Variants in ADCY9 observed in about 807,000 individuals in gnomAD.
ADCY9 encodes adenylate cyclase 9.
A neutral mutation model predicts 101.5 loss-of-function variants in ADCY9; 50 were observed. The ratio of observed to expected loss-of-function variants is 0.49; its 90% CI spans 0.39 to 0.62. The LOEUF (loss-of-function observed/expected upper bound fraction) is 0.62, where lower values mean the gene tolerates loss of function less well. ADCY9 is among the 20% of genes least tolerant of loss of function. The pLI is 0.00. For missense variants in ADCY9, 1,662 were observed against 1,800.4 expected, an observed-to-expected ratio of 0.92 and a Z score of 1.39; for synonymous variants, 905 against 769.3, an observed-to-expected ratio of 1.18 and a Z score of -2.92.
At chr16:4,042,413 C>T (rs2056633779) in intron 2 of ADCY9, among the ~76,000 whole-genome samples, 1 of 152,078 alleles carries the variant, frequency 6.6e-6, no homozygotes, top group Non-Finnish European at 1.5e-5. Flanking sequence ...TCTTCCCCGC[C>T]CCATTGTTAT....
chr16:3,988,910 G>C (rs2056220774), intron 6 of ADCY9, 84 bp downstream of exon 6: 6 of 1,106,822 alleles, frequency 5.4e-6, no homozygotes, highest in Non-Finnish European at 8.3e-6. Flanking sequence ...CCATCCCTTG[G>C]TAAAGCACAA....
chr16:4,073,138 AGGCTGG>A (rs2056845547), intron 2 of ADCY9, among the ~76,000 whole-genome samples: 1 of 152,102 alleles, frequency 6.6e-6, no homozygotes, highest in African/African-American at 2.4e-5. Context: ...TCTATTGCCC[AGGCTGG>A]AATGCAGTGA....
chr16:4,115,543 G>GC lies in ADCY9; in HGVS notation c.-43-59dup. 1 of 1,376,854 alleles carries GC rather than the reference G, an allele frequency of 7.3e-7. No homozygotes were observed. Among genetic ancestry groups the GC allele is most frequent in the African/African-American group, 1.5e-5 (1 of 68,580 alleles). 85.3% of individuals were successfully genotyped at this position (1,376,854 alleles called of 1,614,324 possible). A position where few individuals can be genotyped will look rare whatever the true frequency, so the allele number is the denominator to read the frequency against. On this transcript the variant is annotated intron_variant, in intron 1 of 10. Transcript: ENST00000294016. The surrounding 1 kb of genome is among the most constrained non-coding windows in gnomAD (Gnocchi z 6.2). ...CCCACCTAGGCATGCACGCCTAGAG[G>GC]CCCGGGACCTGCTCCTGTCCTAAGG...
downstream of ADCY9, among the ~76,000 whole-genome samples, chr16:3,959,832 C>T (rs1351402581): frequency 6.6e-6 from 1 of 152,082 alleles, no homozygotes; most frequent in African/African-American, 2.4e-5. Flanking sequence ...TCGAGACCAG[C>T]CTGGCCAACA....
At chr16:4,024,848 G>A (rs972960637) in intron 2 of ADCY9, among the ~76,000 whole-genome samples, 1 of 152,130 alleles carries the variant, frequency 6.6e-6, no homozygotes, top group African/African-American at 2.4e-5. Flanking sequence ...GCTCAGTTCT[G>A]GACCTCCCAA....
At chr16:3,990,465 CAAAA>C (rs58708699) in intron 5 of ADCY9, among the ~76,000 whole-genome samples, 2 of 144,586 alleles carry the variant, frequency 1.4e-5, no homozygotes, top group Non-Finnish European at 3.0e-5. Context: ...GACTATGTCT[CAAAA>C]AAAAAAAAAA....
chr16:4,064,151 C>T (rs1372818716), intron 2 of ADCY9, among the ~76,000 whole-genome samples: 6 of 151,942 alleles, frequency 3.9e-5, no homozygotes, highest in Non-Finnish European at 7.4e-5. Context: ...AATGAACAAT[C>T]CAAAAACAAA....
chr16:3,999,739 C>CTCCT (rs554585513), intron 3 of ADCY9, among the ~76,000 whole-genome samples: 142 of 152,344 alleles, frequency 9.3e-4, no homozygotes, highest in African/African-American at 3.0e-3. Context: ...ATTATCTTTG[C>CTCCT]TCCTTCCCCC....
chr16:3,992,732 CG>C lies in ADCY9; in HGVS notation c.1990-370del, dbSNP rs1381153092. ...GGTTCTGGGAGCAGGGTGCATGGGT[CG>C]GGGGTCCAGGAGAAGTATGACGAGG... On this transcript the variant is annotated intron_variant, in intron 4 of 10. Transcript: ENST00000294016. The surrounding 1 kb of genome is among the most constrained non-coding windows in gnomAD (Gnocchi z 4.2). Among the ~76,000 whole-genome samples, 6 of 151,950 alleles carry C rather than the reference CG, an allele frequency of 3.9e-5. No individual in the cohort carries two copies. The highest frequency in any genetic ancestry group is 2.1e-4 in the South Asian group (1 of 4,802).
chr16:3,985,463 G>C (rs1294069151), intron 6 of ADCY9, among the ~76,000 whole-genome samples: 1 of 152,144 alleles, frequency 6.6e-6, no homozygotes, highest in African/African-American at 2.4e-5. Context: ...GGGCGACACT[G>C]CCCATGCCCA....
chr16:3,969,875 G>A (rs192822718), intron 10 of ADCY9, among the ~76,000 whole-genome samples: 33 of 150,930 alleles, frequency 2.2e-4, no homozygotes, highest in African/African-American at 6.6e-4. Flanking sequence ...TGCCTCCCCA[G>A]TGTGCTGGAA....
At position 4,003,833 on chromosome 16, in the gene ADCY9, C is replaced by T. The variant is rs376677816; in HGVS notation, c.1884+3535G>A. ...CTCCCCTCCGCGACGCTGACAGTGG[C>T]GTCCTCATGTCTAATGCTTACTCCT... is the stretch of plus-strand genomic sequence containing the variant. On this transcript the variant is annotated intron_variant, in intron 3 of 10. Transcript: ENST00000294016. Among the ~76,000 whole-genome samples the T allele has an allele frequency of 4.6e-5, 7 of 152,158 alleles. No homozygotes were observed. The South Asian group carries it at 8.3e-4, about 18-fold the overall frequency.
chr16:4,010,092 T>C (rs1042848374), intron 2 of ADCY9, among the ~76,000 whole-genome samples: 4 of 152,198 alleles, frequency 2.6e-5, no homozygotes, highest in Non-Finnish European at 5.9e-5. Context: ...TTTTCCATTA[T>C]GTCTGTGGCT....
Position 3,966,983 on chromosome 16 carries a change from C to T in ADCY9, c.2871-17G>A, listed in dbSNP as rs754718017. On this transcript the variant is annotated splice_polypyrimidine_tract_variant and intron_variant, in intron 10 of 10. Transcript: ENST00000294016. ...CTCTCGGAACTGGAGAGCAAAGACA[C>T]GGGAAAGGGAGAGGTTACTGCTCGG... 3 of 1,596,974 alleles carry T rather than the reference C, an allele frequency of 1.9e-6. No homozygotes were observed. The highest frequency in any genetic ancestry group is 2.2e-5 in the East Asian group (1 of 44,718).
chr16:3,997,436 G>T (rs931067857), intron 3 of ADCY9, among the ~76,000 whole-genome samples: 1 of 152,234 alleles, frequency 6.6e-6, no homozygotes, highest in African/African-American at 2.4e-5. Flanking sequence ...CCACAGGTGG[G>T]GAACTCAGTG....
chr16:4,092,316 T>C (rs1209059188), intron 2 of ADCY9, among the ~76,000 whole-genome samples: 1 of 152,240 alleles, frequency 6.6e-6, no homozygotes, highest in Non-Finnish European at 1.5e-5. Flanking sequence ...ATGTGGCCAG[T>C]TCCTCCTGGG....
chr16:3,981,697 G>A (rs1177405535), intron 7 of ADCY9: 1 of 151,970 alleles, frequency 6.6e-6, no homozygotes, highest in African/African-American at 2.4e-5. Flanking sequence ...GGTTCAAGTT[G>A]ATTCTCCTGC....
intron 10 of ADCY9, among the ~76,000 whole-genome samples, chr16:3,967,696 CTTT>C (rs35803770): frequency 1.6e-4 from 21 of 129,578 alleles, no homozygotes; most frequent in African/African-American, 6.1e-4. Flanking sequence ...GGCCTAACAT[CTTT>C]TTTTTTTTTT....
intron 2 of ADCY9, among the ~76,000 whole-genome samples, chr16:4,042,895 T>G (rs2056636913): frequency 6.6e-6 from 1 of 152,218 alleles, no homozygotes; most frequent in South Asian, 2.1e-4. Context: ...GTTCCTAAAC[T>G]TCTCTGTGCT....
Sources: allele counts gnomAD v4.1 joint callset (sites outside exome capture counted in the v4.1 genomes callset), GRCh38; gene constraint gnomAD v4.1.1; non-coding constraint Gnocchi (gnomAD v3.1); transcripts MANE v1.5; gene names NCBI Gene and HGNC (gene_info 2026-07-23, HGNC 2026-07-21).